ZNF618: variants seen among roughly 807,000 people sequenced by gnomAD.
The protein encoded by ZNF618 is neural precursor cell expressed, developmentally down-regulated 10.
A neutral mutation model predicts 103.0 loss-of-function variants in ZNF618; 34 were observed. The observed-to-expected ratio is 0.33, with a 90% CI of 0.25 to 0.44. The LOEUF (loss-of-function observed/expected upper bound fraction) is 0.44, where lower values mean the gene tolerates loss of function less well. Among genes scored for constraint, ZNF618 ranks in the 20% least tolerant of loss-of-function variants. The pLI, the probability that ZNF618 is intolerant of heterozygous loss-of-function variation, is 1.00. For missense variants in ZNF618, 1,059 were observed against 1,295.4 expected, an observed-to-expected ratio of 0.82 and a Z score of 2.80; for synonymous variants, 551 against 542.2, an observed-to-expected ratio of 1.02 and a Z score of -0.23.
At chr9:113,904,268 T>C (rs1295587864) in intron 1 of ZNF618, among the ~76,000 whole-genome samples, 1 of 151,970 alleles carries the variant, frequency 6.6e-6, no homozygotes, top group African/African-American at 2.4e-5. Flanking sequence ...AGAAGTTTGG[T>C]TTGGGTCTTT....
intron 1 of ZNF618, among the ~76,000 whole-genome samples, chr9:113,885,535 A>G (rs1377525948): frequency 6.6e-6 from 1 of 152,094 alleles, no homozygotes; most frequent in Non-Finnish European, 1.5e-5. Context: ...CAGGGTTCAG[A>G]AAGTTTGGAG....
chr9:114,004,573 G>A (rs1379073522), intron 6 of ZNF618, among the ~76,000 whole-genome samples: 1 of 152,210 alleles, frequency 6.6e-6, no homozygotes, highest in African/African-American at 2.4e-5. Context: ...CTCTGTAGCG[G>A]GGGTATTTTT....
At chr9:113,906,548 T>C (rs1398053533) in intron 1 of ZNF618, among the ~76,000 whole-genome samples, 1 of 152,044 alleles carries the variant, frequency 6.6e-6, no homozygotes, top group Admixed American at 6.6e-5. Flanking sequence ...AACCTACAAA[T>C]GCCACATAAT....
intron 10 of ZNF618, among the ~76,000 whole-genome samples, chr9:114,026,938 T>C (rs1468675453): frequency 6.6e-6 from 1 of 152,080 alleles, no homozygotes; most frequent in Non-Finnish European, 1.5e-5. Flanking sequence ...GTTACAGAGC[T>C]GGGCTTCAGA....
At chr9:113,966,380 C>G (rs1191528483) in intron 1 of ZNF618, among the ~76,000 whole-genome samples, 1 of 152,200 alleles carries the variant, frequency 6.6e-6, no homozygotes, top group Non-Finnish European at 1.5e-5. Context: ...AGCTTCGGTT[C>G]AAATTGAGAC....
At position 114,055,678 on chromosome 9, in the gene ZNF618, C is replaced by G. The variant is rs1564365964; in HGVS notation, c.*5511C>G. On this transcript the variant is annotated 3_prime_UTR_variant, in exon 15 of 15. Transcript: ENST00000374126. Reference sequence around the variant, plus strand: ...CATAGACACATCTGACTGTGTCTCTCTCTTTGAGTGCAAGAAACTCAAGTC... The same window carrying G: ...CATAGACACATCTGACTGTGTCTCTGTCTTTGAGTGCAAGAAACTCAAGTC... The G allele has an allele frequency of 6.8e-6, 1 of 147,212 alleles. No homozygotes were observed. Among genetic ancestry groups the G allele is most frequent in the African/African-American group, 2.5e-5 (1 of 39,796 alleles). The allele number at this position is 147,212 out of a possible 1,614,324, so 9.1% of individuals were successfully genotyped here.
At chr9:113,990,577 T>G (rs1269093247) in intron 3 of ZNF618, among the ~76,000 whole-genome samples, 1 of 152,216 alleles carries the variant, frequency 6.6e-6, no homozygotes, top group Non-Finnish European at 1.5e-5. Context: ...TCTGCTCCCC[T>G]CTGGTCCCAG....
chr9:114,010,036 A>C (rs971544091), intron 9 of ZNF618, among the ~76,000 whole-genome samples: 3 of 152,240 alleles, frequency 2.0e-5, no homozygotes, highest in African/African-American at 7.2e-5. Flanking sequence ...ATGGCCGGGC[A>C]CGGTGGCTCA....
chr9:114,021,194 C>G (rs534857541), intron 10 of ZNF618, among the ~76,000 whole-genome samples: 3 of 152,018 alleles, frequency 2.0e-5, no homozygotes. Context: ...GATGATTATT[C>G]TTTGCCAGAT....
At chr9:113,910,417 A>G (rs1831427587) in intron 1 of ZNF618, among the ~76,000 whole-genome samples, 1 of 152,188 alleles carries the variant, frequency 6.6e-6, no homozygotes, top group African/African-American at 2.4e-5. Flanking sequence ...GTGGACCTGC[A>G]GCCCAGCATC....
Position 114,002,618 on chromosome 9 carries a change from T to C in ZNF618, c.512-6T>C, listed in dbSNP as rs757996253. ...CACCCCCATCCCTCTCTCTCTCTCT[T>C]TGCAGACACCGAAGCCACCTCAGGG... On this transcript the variant is annotated splice_polypyrimidine_tract_variant and splice_region_variant and intron_variant, in intron 5 of 14. Coordinates refer to ENST00000374126, the MANE Select transcript of ZNF618 (RefSeq NM_001318042.2). 2.0e-5 allele frequency: 32 copies of C among 1,596,112 alleles called. No individual in the cohort carries two copies. The East Asian group carries it at 3.4e-4, about 17-fold the overall frequency.
intron 10 of ZNF618, among the ~76,000 whole-genome samples, chr9:114,026,400 G>C (rs2134126442): frequency 1.3e-5 from 2 of 152,324 alleles, no homozygotes; most frequent in South Asian, 4.1e-4. Context: ...GGGGCTGTGT[G>C]CCTCAGAATG....
intron 2 of ZNF618, among the ~76,000 whole-genome samples, chr9:113,987,178 C>G (rs1427591076): frequency 6.6e-6 from 1 of 152,204 alleles, no homozygotes. Flanking sequence ...CCCCACCTCA[C>G]AGACAACAGT....
intron 9 of ZNF618, among the ~76,000 whole-genome samples, chr9:114,015,310 C>T (rs1842565254): frequency 6.6e-6 from 1 of 152,092 alleles, no homozygotes; most frequent in Non-Finnish European, 1.5e-5. Flanking sequence ...GTCAATATGC[C>T]TGTAGAAATG....
intron 1 of ZNF618, among the ~76,000 whole-genome samples, chr9:113,880,164 G>A (rs1396904315): frequency 6.6e-6 from 1 of 151,916 alleles, no homozygotes; most frequent in Non-Finnish European, 1.5e-5. Flanking sequence ...TGCCATATAT[G>A]ACTGATGTAT....
intron 1 of ZNF618, among the ~76,000 whole-genome samples, chr9:113,938,060 A>T (rs1046224556): frequency 2.6e-5 from 4 of 151,702 alleles, no homozygotes; most frequent in African/African-American, 9.7e-5. Context: ...CATTGAATTT[A>T]TAGATTAATT....
At chr9:114,031,296 CCTGGGACT>C (rs531482916) in intron 11 of ZNF618, among the ~76,000 whole-genome samples, 30 of 152,242 alleles carry the variant, frequency 2.0e-4, no homozygotes, top group Middle Eastern at 3.4e-3. Context: ...GTAGATGCTC[CCTGGGACT>C]CTCAGCCCAG....
intron 2 of ZNF618, among the ~76,000 whole-genome samples, chr9:113,981,863 G>T (rs1839009728): frequency 6.6e-6 from 1 of 152,188 alleles, no homozygotes; most frequent in Non-Finnish European, 1.5e-5. Context: ...TTGTGCTAGG[G>T]CTGGGGATAT....
chr9:114,016,301 G>A, intron 9 of ZNF618: 1 of 742,078 alleles, frequency 1.3e-6, no homozygotes, highest in South Asian at 1.8e-5. Flanking sequence ...CAGAGGGCAG[G>A]GCTTGCAAAG....
Sources: gnomAD v4.1 joint callset for allele counts (sites outside exome capture counted in the v4.1 genomes callset) on GRCh38, gnomAD v4.1.1 for gene constraint, MANE v1.5 for transcripts, NCBI Gene and HGNC (gene_info 2026-07-23, HGNC 2026-07-21) for gene names.